BLTP1: variants seen among roughly 807,000 people sequenced by gnomAD.
BLTP1 encodes bridge-like lipid transfer protein family member 1.
At chr4:122,187,102 C>T in the BLTP1 span, 5 of 983,522 alleles carry the variant, frequency 5.1e-6, no homozygotes, top group South Asian at 4.7e-5. Context: ...TATAAAATGT[C>T]GTATAGTAAC....
At chr4:122,175,842 T>G in the BLTP1 span, 1 of 1,562,390 alleles carries the variant, frequency 6.4e-7, no homozygotes, top group South Asian at 1.1e-5. Flanking sequence ...GTAATTTCCC[T>G]TTCTTAGGAT....
At chr4:122,351,340 A>G in the BLTP1 span, 750 of 427,972 alleles carry the variant, frequency 1.8e-3, 1 homozygote, top group Middle Eastern at 3.7e-3. Context: ...ACCTCCAGAT[A>G]TTTTTCTGTG....
chr4:122,240,361 C>A, the BLTP1 span: 11 of 1,602,070 alleles, frequency 6.9e-6, no homozygotes, highest in Non-Finnish European at 9.4e-6. Context: ...AAGGTATAAA[C>A]CAAATCATTA....
At chr4:122,212,619 A>G in the BLTP1 span, among the ~76,000 whole-genome samples, 791 of 151,500 alleles carry the variant, frequency 5.2e-3, 11 homozygotes, top group African/African-American at 0.017. Context: ...GTTTTTATCA[A>G]AAAAAAAACT....
At chr4:122,316,631 T>C in the BLTP1 span, 2 of 1,453,208 alleles carry the variant, frequency 1.4e-6, no homozygotes, top group South Asian at 2.5e-5. Context: ...TAGATGGTTT[T>C]GATTCTTGCA....
chr4:122,264,226 T>C, the BLTP1 span: 6 of 1,544,808 alleles, frequency 3.9e-6, no homozygotes, highest in African/African-American at 6.9e-5. Flanking sequence ...AATTTACATT[T>C]TATTCTTAAA....
chr4:122,320,620 G>C, the BLTP1 span, among the ~76,000 whole-genome samples: 1 of 152,014 alleles, frequency 6.6e-6, no homozygotes, highest in Non-Finnish European at 1.5e-5. Flanking sequence ...CTTTTAATTA[G>C]TGATAGGATG....
the BLTP1 span, among the ~76,000 whole-genome samples, chr4:122,319,804 G>T: frequency 1.3e-5 from 2 of 152,098 alleles, no homozygotes; most frequent in African/African-American, 4.8e-5. Flanking sequence ...CTCCCAAAAT[G>T]CTGGGATTAC....
At chr4:122,266,806 T>A in the BLTP1 span, 1 of 1,607,654 alleles carries the variant, frequency 6.2e-7, no homozygotes, top group Non-Finnish European at 8.5e-7. Context: ...CTCTTCTGAG[T>A]CATACAGGGA....
At chr4:122,179,822 C>T in the BLTP1 span, 1 of 984,680 alleles carries the variant, frequency 1.0e-6, no homozygotes, top group Non-Finnish European at 1.2e-6. Flanking sequence ...TGCTAGTACA[C>T]TCACTGTATC....
chr4:122,269,382 G>C, the BLTP1 span: 1 of 984,330 alleles, frequency 1.0e-6, no homozygotes, highest in African/African-American at 1.7e-5. Context: ...AAGTAAGTCT[G>C]TTTTGAGTGA....
At chr4:122,190,202 TC>T in the BLTP1 span, 5 of 1,234,200 alleles carry the variant, frequency 4.1e-6, no homozygotes, top group Admixed American at 7.9e-5. Context: ...GCTCAAACAA[TC>T]CTCCTACTTC....
At chr4:122,238,621 A>G in the BLTP1 span, among the ~76,000 whole-genome samples, 2 of 152,220 alleles carry the variant, frequency 1.3e-5, no homozygotes, top group Admixed American at 1.3e-4. Context: ...ATCACTGTTA[A>G]CATTCAGATA....
At chr4:122,190,228 C>A in the BLTP1 span, 2 of 1,101,154 alleles carry the variant, frequency 1.8e-6, no homozygotes, top group East Asian at 2.7e-5. Context: ...TCCTGAGTTG[C>A]TAAGATGACA....
At chr4:122,315,492 A>G in the BLTP1 span, 1 of 1,614,100 alleles carries the variant, frequency 6.2e-7, no homozygotes. Flanking sequence ...TGGACACTCA[A>G]CGTATTGTGG....
At chr4:122,243,922 G>A in the BLTP1 span, 3 of 1,610,238 alleles carry the variant, frequency 1.9e-6, no homozygotes, top group Non-Finnish European at 2.5e-6. Context: ...ACAGAAGAGT[G>A]GACCCTGGAT....
the BLTP1 span, chr4:122,315,410 T>G: frequency 6.2e-7 from 1 of 1,604,932 alleles, no homozygotes; most frequent in Non-Finnish European, 8.5e-7. Context: ...TAAAGTTATT[T>G]CAATTTCTAT....
chr4:122,188,129 G>T, the BLTP1 span: 3 of 1,366,944 alleles, frequency 2.2e-6, no homozygotes, highest in Middle Eastern at 2.4e-4. Context: ...CTTCTTATAG[G>T]TAATACAGAT....
chr4:122,254,432 T>TA, the BLTP1 span: 1 of 1,336,448 alleles, frequency 7.5e-7, no homozygotes, highest in African/African-American at 1.5e-5. Flanking sequence ...TTTTAAAAAT[T>TA]ACTTTTCTGG....
Sources: gnomAD v4.1 joint callset for allele counts (sites outside exome capture counted in the v4.1 genomes callset) on GRCh38, gnomAD v4.1.1 for gene constraint, MANE v1.5 for transcripts, NCBI Gene and HGNC (gene_info 2026-07-23, HGNC 2026-07-21) for gene names.